Variants in SLC26A8 observed in about 807,000 individuals in gnomAD.
SLC26A8 encodes the protein solute carrier family 26 member 8.
A neutral mutation model predicts 105.0 loss-of-function variants in SLC26A8; 70 were observed. The ratio of observed to expected loss-of-function variants is 0.67; its 90% CI spans 0.55 to 0.81. The LOEUF (loss-of-function observed/expected upper bound fraction) is 0.81, where lower values mean the gene tolerates loss of function less well. Ranked by LOEUF, SLC26A8 falls within the 40% of genes least tolerant of loss-of-function variation. The pLI, the probability that SLC26A8 is intolerant of heterozygous loss-of-function variation, is 0.00. For missense variants in SLC26A8, 998 were observed against 1,181.8 expected, an observed-to-expected ratio of 0.84 and a Z score of 2.28; for synonymous variants, 415 against 438.3, an observed-to-expected ratio of 0.95 and a Z score of 0.66.
rs764000610 is a variant in SLC26A8 at position 35,968,937 on chromosome 6, G to A, written c.1305C>T (p.Gly435=). The A allele has an allele frequency of 5.7e-5, 92 of 1,611,740 alleles. No homozygotes were observed. The highest frequency in any genetic ancestry group is 7.5e-5 in the Non-Finnish European group (89 of 1,179,292). Residue 435 remains glycine (G), a synonymous_variant, in exon 11 of 20, where the codon GGC becomes GGT. Transcript: ENST00000490799. ...CCATCAGGAGCAGCATCACACCTGC[G>A]CCTACCAGAGATGCAAACTGAGGAG... is the stretch of plus-strand genomic sequence containing the variant. ...GGRQQFASLV[G]AGVMLLLMVK... is the part of the protein sequence containing the mutation.
chr6:36,018,424 A>G (rs989983987), intron 2 of SLC26A8, among the ~76,000 whole-genome samples: 2 of 152,196 alleles, frequency 1.3e-5, no homozygotes, highest in African/African-American at 4.8e-5. Flanking sequence ...AGACAAACAT[A>G]TTGTATGATT....
chr6:36,000,075 A>T lies in SLC26A8; in HGVS notation c.362T>A (p.Ile121Asn). 6.2e-7 allele frequency: 1 copy of T among 1,614,128 alleles called. No homozygotes were observed. Among genetic ancestry groups the T allele is most frequent in the South Asian group, 1.1e-5 (1 of 91,086 alleles). ...TGCATAAGCGATGTTGAGAGGAGGA[A>T]TCAGTTGCCTTGCCAGCAAACTAAG... ...LTLSLLARQL[I>N]PPLNIAYAAF... The change falls in exon 4 of 20, where the codon ATT becomes AAT. Residue 121 changes from isoleucine (I) to asparagine (N), a missense_variant. Physicochemically the swap from Ile to Asn is moderately radical, Grantham distance 149 (BLOSUM62 -3). Transcript: ENST00000490799.
Position 35,991,724 on chromosome 6 carries a change from T to C in SLC26A8, c.877A>G (p.Ile293Val). 2 of 1,608,058 alleles carry C rather than the reference T, an allele frequency of 1.2e-6. No individual in the cohort carries two copies. Among genetic ancestry groups the C allele is most frequent in the Non-Finnish European group, 1.7e-6 (2 of 1,177,848 alleles). ...AAAGAAATTCTGATACATTTGTTGA[T>C]TCGCAGAGCAACAACAACAGTTAGA... ...VFLTVVVALRINKCIRISFNQ... is the reference protein window; with the variant it reads ...VFLTVVVALRVNKCIRISFNQ... Residue 293 changes from isoleucine (I) to valine (V), a missense_variant, in exon 7 of 20, where the codon ATC (isoleucine) becomes GTC (valine). Coordinates refer to ENST00000490799, the MANE Select transcript of SLC26A8 (RefSeq NM_052961.4).
chr6:35,951,669 C>T (rs1455556554), intron 17 of SLC26A8, among the ~76,000 whole-genome samples, 170 bp from the exon 18 acceptor site: 1 of 152,066 alleles, frequency 6.6e-6, no homozygotes, highest in Non-Finnish European at 1.5e-5. Context: ...ACCTCCGCCT[C>T]CCAGGTTCAA....
intron 2 of SLC26A8, among the ~76,000 whole-genome samples, chr6:36,016,103 C>T (rs1761988599): frequency 1.3e-5 from 2 of 151,974 alleles, no homozygotes; most frequent in Non-Finnish European, 1.5e-5. Flanking sequence ...AAGCGATTCT[C>T]CTGCCTCAGC....
intron 19 of SLC26A8, among the ~76,000 whole-genome samples, chr6:35,950,790 G>A (rs188379464): frequency 6.6e-6 from 1 of 152,052 alleles, no homozygotes; most frequent in Non-Finnish European, 1.5e-5. Flanking sequence ...GAATTCTAAA[G>A]GTATAGCTAG....
At chr6:36,024,284 C>A in intron 1 of SLC26A8, 1 of 348,588 alleles carries the variant, frequency 2.9e-6, no homozygotes, top group Admixed American at 3.5e-5. Flanking sequence ...ACACTGTTGT[C>A]TCTTGTCATT....
intron 8 of SLC26A8, among the ~76,000 whole-genome samples, chr6:35,978,642 A>T (rs1445752132): frequency 6.6e-6 from 1 of 152,158 alleles, no homozygotes; most frequent in African/African-American, 2.4e-5. Flanking sequence ...CCTTGGGAAA[A>T]TTATCTTAAA....
At chr6:35,992,386 C>T in intron 6 of SLC26A8, 124 bp downstream of exon 6, 1 of 940,840 alleles carries the variant, frequency 1.1e-6, no homozygotes, top group South Asian at 2.1e-5. Flanking sequence ...ACCCTCTTGA[C>T]TGAGCTGCCT....
intron 3 of SLC26A8, among the ~76,000 whole-genome samples, chr6:36,010,736 A>C (rs1020221670): frequency 6.6e-6 from 1 of 151,650 alleles, no homozygotes; most frequent in African/African-American, 2.4e-5. Context: ...ATGGGGTTTC[A>C]CTATGTTGCC....
chr6:36,015,986 G>C (rs1023415097), intron 2 of SLC26A8, among the ~76,000 whole-genome samples: 1 of 151,768 alleles, frequency 6.6e-6, no homozygotes. Context: ...GGTCACAAAG[G>C]ATTCTTTGTT....
At position 36,019,515 on chromosome 6, in the gene SLC26A8, C is replaced by T. The variant is rs781552262; in HGVS notation, c.188+5G>A. On this transcript the variant is annotated splice_donor_5th_base_variant and intron_variant, in intron 2 of 19. Coordinates refer to ENST00000490799, the MANE Select transcript of SLC26A8 (RefSeq NM_052961.4). ...GGCAGCAGGTGAAAGATTGGACACACGCACCGGCACTGGACGTGGTGTCTG... is the reference window on the plus strand; with the variant it reads ...GGCAGCAGGTGAAAGATTGGACACATGCACCGGCACTGGACGTGGTGTCTG... 2.4e-5 allele frequency: 39 copies of T among 1,610,038 alleles called. No individual in the cohort carries two copies. Among genetic ancestry groups the T allele is most frequent in the South Asian group, 1.1e-4 (10 of 90,660 alleles).
chr6:36,004,766 C>T lies in SLC26A8; in HGVS notation c.329-4658G>A, dbSNP rs144065241. ...CCAGGCTCAAGTGATCCTTCCACCTCAGCCTCCCAAAGTAGCTGGGACTAC... is the reference window on the plus strand; with the variant it reads ...CCAGGCTCAAGTGATCCTTCCACCTTAGCCTCCCAAAGTAGCTGGGACTAC... On this transcript the variant is annotated intron_variant, in intron 3 of 19. Transcript: ENST00000490799. Among the ~76,000 whole-genome samples the T allele has an allele frequency of 2.4e-3, 372 of 151,960 alleles. 3 individuals carry two copies. Among genetic ancestry groups the T allele is most frequent in the East Asian group, 0.013 (69 of 5,180 alleles).
chr6:35,996,656 C>G (rs1324394633), intron 5 of SLC26A8, among the ~76,000 whole-genome samples: 1 of 152,126 alleles, frequency 6.6e-6, no homozygotes, highest in Non-Finnish European at 1.5e-5. Flanking sequence ...AAGTGATCCT[C>G]CCACCTCAGC....
At chr6:36,009,744 TC>T (rs1761797411) in intron 3 of SLC26A8, among the ~76,000 whole-genome samples, 1 of 152,166 alleles carries the variant, frequency 6.6e-6, no homozygotes, top group Admixed American at 6.5e-5. Flanking sequence ...ACTTGAGGAA[TC>T]TTTGTGGTGG....
chr6:35,976,205 T>C (rs1773015699), intron 9 of SLC26A8, among the ~76,000 whole-genome samples: 1 of 151,798 alleles, frequency 6.6e-6, no homozygotes. Context: ...GCAGGCAGAT[T>C]GTGAGGTCAG....
intron 7 of SLC26A8, among the ~76,000 whole-genome samples, chr6:35,988,540 A>C (rs12664941): frequency 1.3e-5 from 2 of 151,862 alleles, no homozygotes; most frequent in Admixed American, 6.6e-5. Context: ...GAGGCTGAGG[A>C]AGGAGAATCG....
chr6:35,965,006 T>C (rs1772453646), intron 11 of SLC26A8, among the ~76,000 whole-genome samples: 1 of 151,518 alleles, frequency 6.6e-6, no homozygotes, highest in Non-Finnish European at 1.5e-5. Flanking sequence ...ACAAAATTAC[T>C]CATTGTTATT....
At chr6:36,005,236 A>G (rs1581689648) in intron 3 of SLC26A8, among the ~76,000 whole-genome samples, 1 of 152,170 alleles carries the variant, frequency 6.6e-6, no homozygotes, top group African/African-American at 2.4e-5. Flanking sequence ...TATCCCTTCC[A>G]CAGCTTCTCC....
Sources: gnomAD v4.1 joint callset for allele counts (sites outside exome capture counted in the v4.1 genomes callset) on GRCh38, gnomAD v4.1.1 for gene constraint, MANE v1.5 for transcripts, NCBI Gene and HGNC (gene_info 2026-07-23, HGNC 2026-07-21) for gene names.